PTPRM: variants seen among roughly 807,000 people sequenced by gnomAD.
The protein encoded by PTPRM is protein tyrosine phosphatase receptor type M.
A neutral mutation model predicts 186.7 loss-of-function variants in PTPRM; 47 were observed. That is an observed-to-expected ratio of 0.25 (90% CI 0.20 to 0.32). The LOEUF is 0.32. Ranked by LOEUF, PTPRM falls within the 10% of genes least tolerant of loss-of-function variation. The pLI is 1.00. For synonymous variants in PTPRM, 668 were observed against 674.9 expected, an observed-to-expected ratio of 0.99 and a Z score of 0.16; for missense variants, 1,494 against 1,865.0, an observed-to-expected ratio of 0.80 and a Z score of 3.66.
At chr18:8,175,947 G>C (rs1408229309) in intron 14 of PTPRM, among the ~76,000 whole-genome samples, 1 of 152,156 alleles carries the variant, frequency 6.6e-6, no homozygotes, top group African/African-American at 2.4e-5. Flanking sequence ...CTTAGACGCT[G>C]AAGCCTAAAG....
chr18:8,240,806 GAGAGAGAGAGAGAGAGAGAGAA>G lies in PTPRM; in HGVS notation c.2301-3248_2301-3227del, dbSNP rs1305008436. Among the ~76,000 whole-genome samples, 29 of 55,682 alleles carry G rather than the reference GAGAGAGAGAGAGAGAGAGAGAA, an allele frequency of 5.2e-4. 1 individual carries two copies. The highest frequency in any genetic ancestry group is 8.7e-4 in the African/African-American group (12 of 13,858). The allele number at this position is 55,682 out of a possible 152,430, so 36.5% of individuals were successfully genotyped here. On this transcript the variant is annotated intron_variant, in intron 14 of 32. Coordinates refer to ENST00000580170, the MANE Select transcript of PTPRM (RefSeq NM_001105244.2). ...AGAGAGAGAGAGAGAGAGAGAGAGA[GAGAGAGAGAGAGAGAGAGAGAA>G]AGAAAGAAAGAAAGAAAAGAAAGAA...
chr18:7,591,772 C>T (rs921767356), intron 1 of PTPRM, among the ~76,000 whole-genome samples: 15 of 152,142 alleles, frequency 9.9e-5, no homozygotes, highest in Admixed American at 3.3e-4. Flanking sequence ...ATTTTGAAAA[C>T]GAAAGATAAT....
At chr18:7,574,866 C>G (rs2036647020) in intron 1 of PTPRM, among the ~76,000 whole-genome samples, 1 of 152,220 alleles carries the variant, frequency 6.6e-6, no homozygotes, top group East Asian at 1.9e-4. Context: ...CCCGTTTCTA[C>G]TAAAAATACA....
At chr18:7,607,228 A>AT (rs2143810703) in intron 1 of PTPRM, among the ~76,000 whole-genome samples, 2 of 152,304 alleles carry the variant, frequency 1.3e-5, no homozygotes, top group Admixed American at 1.3e-4. Flanking sequence ...TGATGCAGAA[A>AT]CTGAGATCTG....
At chr18:8,033,685 G>A (rs954116157) in intron 7 of PTPRM, among the ~76,000 whole-genome samples, 2 of 152,182 alleles carry the variant, frequency 1.3e-5, no homozygotes, top group Non-Finnish European at 2.9e-5. Flanking sequence ...ACCATTCTCT[G>A]GGGCATCACT....
intron 22 of PTPRM, among the ~76,000 whole-genome samples, chr18:8,324,863 A>G (rs1169999065): frequency 6.6e-6 from 1 of 152,212 alleles, no homozygotes; most frequent in Non-Finnish European, 1.5e-5. Flanking sequence ...TCCCCACCTC[A>G]CTATACTGCC....
chr18:7,640,455 A>G (rs1175581750), intron 1 of PTPRM, among the ~76,000 whole-genome samples: 1 of 152,156 alleles, frequency 6.6e-6, no homozygotes, highest in Non-Finnish European at 1.5e-5. Flanking sequence ...TTTTGGTTGC[A>G]AGTGTCAGAG....
At chr18:7,854,731 G>GTTTTTT (rs10541123) in intron 2 of PTPRM, among the ~76,000 whole-genome samples, 1 of 141,940 alleles carries the variant, frequency 7.0e-6, no homozygotes, top group African/African-American at 2.6e-5. Context: ...AATGTTAGGA[G>GTTTTTT]TTTTTTTTTT....
intron 14 of PTPRM, among the ~76,000 whole-genome samples, chr18:8,161,360 A>G (rs1376995428): frequency 1.3e-5 from 2 of 152,134 alleles, no homozygotes; most frequent in African/African-American, 4.8e-5. Flanking sequence ...CCTAAAGGTC[A>G]TAGAAGGGTT....
In PTPRM at chr18:8,153,444, C is replaced by T. The variant is rs142234423; in HGVS notation, c.2300+9665C>T. On this transcript the variant is annotated intron_variant, in intron 14 of 32. Transcript: ENST00000580170. ...AATGCAACTTTAGACTAAATGCCAA[C>T]AAGTCATGTCAGATTTACATGATTA... Among the ~76,000 whole-genome samples the T allele has an allele frequency of 3.7e-3, 561 of 152,274 alleles. 4 individuals are homozygous for T. Among genetic ancestry groups the T allele is most frequent in the African/African-American group, 0.013 (520 of 41,564 alleles).
chr18:8,263,554 T>C (rs1281630557), intron 19 of PTPRM, among the ~76,000 whole-genome samples: 1 of 152,232 alleles, frequency 6.6e-6, no homozygotes, highest in African/African-American at 2.4e-5. Flanking sequence ...GAGCATCTTT[T>C]ACTAAAATCT....
chr18:7,612,900 G>T (rs926835059), intron 1 of PTPRM, among the ~76,000 whole-genome samples: 2 of 152,292 alleles, frequency 1.3e-5, no homozygotes, highest in Non-Finnish European at 2.9e-5. Context: ...AGAAGGGAGG[G>T]TTCCCTTCAT....
chr18:7,840,051 T>C (rs1279605808), intron 2 of PTPRM, among the ~76,000 whole-genome samples: 2 of 116,880 alleles, frequency 1.7e-5, no homozygotes, highest in Admixed American at 1.0e-4. Flanking sequence ...GTTGCTGATA[T>C]GTGTGTATGG....
At chr18:7,790,329 C>T (rs1007328326) in intron 2 of PTPRM, among the ~76,000 whole-genome samples, 4 of 152,280 alleles carry the variant, frequency 2.6e-5, no homozygotes, top group African/African-American at 9.6e-5. Context: ...CAGGGGAGCA[C>T]GTTTAAATCC....
chr18:8,147,028 T>C (rs1395946703), intron 14 of PTPRM, among the ~76,000 whole-genome samples: 2 of 152,226 alleles, frequency 1.3e-5, no homozygotes, highest in African/African-American at 4.8e-5. Flanking sequence ...TTGATACCAG[T>C]ACCATGCTGT....
At chr18:8,352,687 T>G (rs922329790) in intron 23 of PTPRM, among the ~76,000 whole-genome samples, 3 of 151,514 alleles carry the variant, frequency 2.0e-5, no homozygotes, top group African/African-American at 7.3e-5. Context: ...TGTTTTGTTT[T>G]TTGAGATGGA....
intron 11 of PTPRM, among the ~76,000 whole-genome samples, chr18:8,093,385 C>T (rs1179458101): frequency 6.6e-6 from 1 of 152,140 alleles, no homozygotes; most frequent in Non-Finnish European, 1.5e-5. Flanking sequence ...GTTCTCATTA[C>T]ACGTTTCTAT....
At chr18:8,097,515 A>C (rs575301348) in intron 11 of PTPRM, among the ~76,000 whole-genome samples, 3 of 152,232 alleles carry the variant, frequency 2.0e-5, no homozygotes, top group Non-Finnish European at 4.4e-5. Context: ...TAGGATTGAC[A>C]CTTGGCTACT....
rs114916192 is a variant in PTPRM, at chr18:8,194,370, G to A, written c.2301-49688G>A. On this transcript the variant is annotated intron_variant, in intron 14 of 32. Coordinates refer to ENST00000580170, the MANE Select transcript of PTPRM (RefSeq NM_001105244.2). Reference sequence around the variant, plus strand: ...TTGAGTTGGTGGGAAAGAAATCATGGCCGAGGTGTTCAAAACCAAGAGCTG... The same window carrying A: ...TTGAGTTGGTGGGAAAGAAATCATGACCGAGGTGTTCAAAACCAAGAGCTG... Among the ~76,000 whole-genome samples, 972 of 152,266 alleles carry A rather than the reference G, an allele frequency of 6.4e-3. 13 individuals carry two copies. The highest frequency in any genetic ancestry group is 0.022 in the African/African-American group (912 of 41,542).
Sources: allele counts gnomAD v4.1 joint callset (sites outside exome capture counted in the v4.1 genomes callset), GRCh38; gene constraint gnomAD v4.1.1; transcripts MANE v1.5; gene names NCBI Gene and HGNC (gene_info 2026-07-23, HGNC 2026-07-21).